The following DPYD variants were observed in gnomAD, a reference collection of about 807,000 sequenced individuals.
The protein encoded by DPYD is dihydropyrimidine dehydrogenase, also known as dihydropyrimidine dehydrogenase [NADP(+)].
A neutral mutation model predicts 116.2 loss-of-function variants in DPYD; 109 were observed. That is an observed-to-expected ratio of 0.94 (90% CI 0.80 to 1.10). The LOEUF (loss-of-function observed/expected upper bound fraction) is 1.10. Ranked by LOEUF, DPYD falls within the 50% of genes least tolerant of loss-of-function variation. DPYD has a pLI of 0.00. For synonymous variants in DPYD, 440 were observed against 432.0 expected (o/e 1.02, Z -0.23); for missense variants, 1,302 against 1,254.5 (o/e 1.04, Z -0.57).
rs373724295 is a variant in DPYD at position 97,549,692 on chromosome 1, T to C, written c.1392A>G (p.Val464=). Residue 464 remains valine (V), a synonymous_variant, in exon 12 of 23, where the codon GTA becomes GTG. Transcript: ENST00000370192. ...IKFNRWGLPE[V]DPETMQTSEA... is the part of the protein sequence containing the mutation. ...CACTAGTTTGCATAGTTTCTGGATC[T>C]ACTTCTGGGAGACCCCATCTGTTAA... The C allele has an allele frequency of 5.6e-6, 9 of 1,613,894 alleles. No individual in the cohort carries two copies. The South Asian group carries it at 9.9e-5, about 18-fold the overall frequency.
At chr1:97,311,857 C>T (rs868455365) in intron 16 of DPYD, among the ~76,000 whole-genome samples, 4 of 151,768 alleles carry the variant, frequency 2.6e-5, no homozygotes, top group Admixed American at 6.6e-5. Context: ...CATATAAATT[C>T]CTTAAATAGA....
intron 4 of DPYD, among the ~76,000 whole-genome samples, chr1:97,738,298 C>T (rs950983247): frequency 3.3e-5 from 5 of 152,084 alleles, no homozygotes; most frequent in African/African-American, 4.8e-5. Context: ...TTGCAAACAA[C>T]AGCCTGCACA....
chr1:97,319,264 A>C (rs1453190766), intron 16 of DPYD, among the ~76,000 whole-genome samples: 1 of 151,060 alleles, frequency 6.6e-6, no homozygotes, highest in African/African-American at 2.5e-5. Flanking sequence ...AGACACAAAA[A>C]ACCCTTCAAA....
At chr1:97,803,713 T>C (rs17117222) in intron 3 of DPYD, among the ~76,000 whole-genome samples, 7,385 of 151,948 alleles carry the variant, frequency 0.049, 581 homozygotes, top group African/African-American at 0.16. Context: ...GCTGAAAAGT[T>C]AAAATTTCCT....
chr1:97,640,940 C>A (rs1657855750), intron 8 of DPYD, among the ~76,000 whole-genome samples: 1 of 152,148 alleles, frequency 6.6e-6, no homozygotes, highest in South Asian at 2.1e-4. Context: ...TTTATTCTTG[C>A]CTGCTATGAT....
intron 2 of DPYD, among the ~76,000 whole-genome samples, chr1:97,866,810 T>C (rs767828644): frequency 1.3e-5 from 2 of 151,808 alleles, no homozygotes; most frequent in East Asian, 1.9e-4. Flanking sequence ...GTGCAGTATG[T>C]ATATAAAACA....
intron 18 of DPYD, chr1:97,295,342 T>C (rs1019943099): frequency 1.3e-5 from 1 of 79,092 alleles, no homozygotes; most frequent in Non-Finnish European, 2.4e-5. Context: ...GAAATGTTGA[T>C]CAATTTTCTA....
At chr1:97,598,933 G>T (rs1655066114) in intron 8 of DPYD, among the ~76,000 whole-genome samples, 1 of 152,204 alleles carries the variant, frequency 6.6e-6, no homozygotes, top group Non-Finnish European at 1.5e-5. Context: ...CAAAATGGCT[G>T]CCTTTTTCAT....
At chr1:97,443,224 T>C (rs1675900237) in intron 14 of DPYD, among the ~76,000 whole-genome samples, 1 of 152,188 alleles carries the variant, frequency 6.6e-6, no homozygotes, top group Non-Finnish European at 1.5e-5. Context: ...TCCACTACTA[T>C]TATGATATAT....
At chr1:97,609,710 C>T (rs956147874) in intron 8 of DPYD, among the ~76,000 whole-genome samples, 1 of 151,868 alleles carries the variant, frequency 6.6e-6, no homozygotes, top group African/African-American at 2.4e-5. Context: ...TTTAGGGCAG[C>T]ATTTAATCTT....
intron 19 of DPYD, among the ~76,000 whole-genome samples, chr1:97,216,299 TTA>T (rs1184298875): frequency 6.6e-6 from 1 of 152,176 alleles, no homozygotes; most frequent in African/African-American, 2.4e-5. Flanking sequence ...AATTTTTTTT[TTA>T]TTAATACTCA....
At chr1:97,470,181 G>A (rs1677564165) in intron 13 of DPYD, among the ~76,000 whole-genome samples, 1 of 152,020 alleles carries the variant, frequency 6.6e-6, no homozygotes, top group Non-Finnish European at 1.5e-5. Flanking sequence ...GCAGTATGGT[G>A]TATTGTTTAA....
intron 14 of DPYD, among the ~76,000 whole-genome samples, chr1:97,414,642 C>T (rs1441105958): frequency 1.3e-5 from 2 of 152,124 alleles, no homozygotes; most frequent in Non-Finnish European, 2.9e-5. Flanking sequence ...TTACTCTGTC[C>T]CACTTCATTT....
At chr1:97,089,977 G>C (rs1557856725) in intron 21 of DPYD, among the ~76,000 whole-genome samples, 1 of 152,084 alleles carries the variant, frequency 6.6e-6, no homozygotes, top group East Asian at 1.9e-4. Context: ...ATTCATAGCA[G>C]TTTAATCAGT....
At chr1:97,128,109 T>G (rs1012904960) in intron 20 of DPYD, among the ~76,000 whole-genome samples, 1 of 152,170 alleles carries the variant, frequency 6.6e-6, no homozygotes, top group African/African-American at 2.4e-5. Context: ...AAACAGGCAC[T>G]AAATAATTCT....
At chr1:97,278,429 G>C (rs775605808) in intron 18 of DPYD, among the ~76,000 whole-genome samples, 2 of 152,230 alleles carry the variant, frequency 1.3e-5, no homozygotes, top group Non-Finnish European at 2.9e-5. Context: ...AATGGACAGG[G>C]AAAGAGATGT....
At chr1:97,433,578 T>C (rs1675300053) in intron 14 of DPYD, among the ~76,000 whole-genome samples, 1 of 152,168 alleles carries the variant, frequency 6.6e-6, no homozygotes, top group South Asian at 2.1e-4. Context: ...TTATGGTTAT[T>C]AGGGTAGGAG....
intron 8 of DPYD, among the ~76,000 whole-genome samples, chr1:97,622,169 A>G (rs2811193): frequency 0.77 from 117,455 of 151,868 alleles, 46,864 homozygotes; most frequent in East Asian, 0.96. Context: ...TGATATGCAA[A>G]GAGTCATAAA....
At chr1:97,574,848 C>G (rs1371936394) in intron 10 of DPYD, among the ~76,000 whole-genome samples, 1 of 152,128 alleles carries the variant, frequency 6.6e-6, no homozygotes, top group Non-Finnish European at 1.5e-5. Flanking sequence ...TTCCTTCACT[C>G]TGAAAGCCAG....
Sources: allele counts gnomAD v4.1 joint callset (sites outside exome capture counted in the v4.1 genomes callset), GRCh38; gene constraint gnomAD v4.1.1; transcripts MANE v1.5; gene names NCBI Gene and HGNC (gene_info 2026-07-23, HGNC 2026-07-21).